CAPZB: variants seen among roughly 807,000 people sequenced by gnomAD.
CAPZB encodes capping actin protein of muscle Z-line subunit beta.
CAPZB carries 2 observed loss-of-function variants against 38.1 expected under a neutral mutation model. The observed-to-expected ratio is 0.05, with a 90% confidence interval of 0.02 to 0.17. CAPZB has a LOEUF of 0.17. Ranked by LOEUF, CAPZB falls within the 10% of genes least tolerant of loss-of-function variation. CAPZB has a pLI of 1.00. For missense variants in CAPZB, 161 were observed against 334.2 expected, an observed-to-expected ratio of 0.48 and a Z score of 4.04; for synonymous variants, 107 against 127.4, an observed-to-expected ratio of 0.84 and a Z score of 1.08.
chr1:19,432,042 CAAAAAAAAAAAA>C (rs10583269), intron 1 of CAPZB, among the ~76,000 whole-genome samples: 43 of 122,560 alleles, frequency 3.5e-4, no homozygotes, highest in Middle Eastern at 4.6e-3. Context: ...GATCCTGTCT[CAAAAAAAAAAAA>C]AAAAAAAAAA....
At chr1:19,362,163 G>A (rs1169543241) in intron 4 of CAPZB, among the ~76,000 whole-genome samples, 3 of 151,346 alleles carry the variant, frequency 2.0e-5, no homozygotes, top group Non-Finnish European at 4.4e-5. Flanking sequence ...GAGGTCTCTG[G>A]TCAAGGAGGT....
intron 1 of CAPZB, among the ~76,000 whole-genome samples, chr1:19,456,123 G>T (rs1216576843): frequency 1.3e-5 from 2 of 152,170 alleles, no homozygotes; most frequent in African/African-American, 4.8e-5. Context: ...TGTTGGCCAG[G>T]CTGGCCTTGA....
chr1:19,366,252 G>A (rs1235801025), intron 4 of CAPZB, among the ~76,000 whole-genome samples: 2 of 145,644 alleles, frequency 1.4e-5, no homozygotes, highest in Non-Finnish European at 3.0e-5. Context: ...TTCAAGACCA[G>A]CCTGGGCAAC....
rs1164257692 is a variant in CAPZB at position 19,376,698 on chromosome 1, G to A, written c.329+1842C>T. 3.9e-5 allele frequency among the ~76,000 whole-genome samples: 6 copies of A among 152,206 alleles called. No homozygotes were observed. The East Asian group carries it at 1.2e-3, about 29-fold the overall frequency. On this transcript the variant is annotated intron_variant, in intron 4 of 8. Coordinates refer to ENST00000264202, the MANE Select transcript of CAPZB (RefSeq NM_004930.5). ...CACTAGCAGCAATGACTTGTTCACT[G>A]GTCCACTGTTTGTTTTTCCACAATG...
Position 19,484,386 on chromosome 1 carries a change from C to A in CAPZB, c.3+1050G>T, listed in dbSNP as rs1280918708. 3 of 1,532,784 alleles carry A rather than the reference C, an allele frequency of 2.0e-6. No individual in the cohort carries two copies. The South Asian group carries it at 3.6e-5, about 18-fold the overall frequency. 94.9% of individuals were successfully genotyped at this position (1,532,784 alleles called of 1,614,324 possible). A position where few individuals can be genotyped will look rare whatever the true frequency, so the allele number is the denominator to read the frequency against. ...TTGTCCTGTGGGCCACCCATCCTCG[C>A]CCCTCGGCTCCCACTCAGGCCCGGG... On this transcript the variant is annotated intron_variant, in intron 1 of 8. Transcript: ENST00000264202.
At chr1:19,420,602 G>T (rs1361232523) in intron 1 of CAPZB, among the ~76,000 whole-genome samples, 1 of 151,494 alleles carries the variant, frequency 6.6e-6, no homozygotes, top group East Asian at 2.0e-4. Context: ...TTTTTTTTGG[G>T]GGGGAGGGGG....
Position 19,357,866 on chromosome 1 carries a change from A to C in CAPZB, c.330-303T>G, listed in dbSNP as rs903686608. On this transcript the variant is annotated intron_variant, in intron 4 of 8. Coordinates refer to ENST00000264202, the MANE Select transcript of CAPZB (RefSeq NM_004930.5). The surrounding 1 kb of genome is among the most constrained non-coding windows in gnomAD (Gnocchi z 4.3). ...GCGTCACACTCCTCCCAGATAAAGAATGCAGCACGACTGACATCCAGTGAC... is the reference window on the plus strand; with the variant it reads ...GCGTCACACTCCTCCCAGATAAAGACTGCAGCACGACTGACATCCAGTGAC... 6.6e-6 allele frequency among the ~76,000 whole-genome samples: 1 copy of C among 152,170 alleles called. No individual in the cohort carries two copies. Among genetic ancestry groups the C allele is most frequent in the African/African-American group, 2.4e-5 (1 of 41,428 alleles).
rs1001157330 is a variant in CAPZB at position 19,385,397 on chromosome 1, A to G, written c.215+108T>C. 12 of 1,268,900 alleles carry G rather than the reference A, an allele frequency of 9.5e-6. 1 individual carries two copies. The highest frequency in any genetic ancestry group is 1.5e-5 in the African/African-American group (1 of 67,204). 78.6% of individuals were successfully genotyped at this position (1,268,900 alleles called of 1,614,324 possible). On this transcript the variant is annotated intron_variant, in intron 3 of 8. Coordinates refer to ENST00000264202, the MANE Select transcript of CAPZB (RefSeq NM_004930.5). Reference sequence around the variant, plus strand: ...AGGGAACAAACGGAAGGAAAGCTGAATGGGCTGCCAGCTGCCCAAGTCCAA... The same window carrying G: ...AGGGAACAAACGGAAGGAAAGCTGAGTGGGCTGCCAGCTGCCCAAGTCCAA...
intron 2 of CAPZB, among the ~76,000 whole-genome samples, chr1:19,417,063 C>T (rs564392125): frequency 6.6e-6 from 1 of 152,086 alleles, no homozygotes; most frequent in African/African-American, 2.4e-5. Context: ...CCTTCATTCA[C>T]CATCAATGCT....
intron 2 of CAPZB, among the ~76,000 whole-genome samples, chr1:19,407,145 T>C (rs369316296): frequency 1.3e-5 from 2 of 152,368 alleles, no homozygotes; most frequent in East Asian, 3.9e-4. Flanking sequence ...CAGGCTTCTC[T>C]GGCCTGGCAT....
At chr1:19,422,041 C>T (rs982132411) in intron 1 of CAPZB, among the ~76,000 whole-genome samples, 6 of 152,016 alleles carry the variant, frequency 3.9e-5, no homozygotes, top group Admixed American at 2.0e-4. Flanking sequence ...TACAAAGCTA[C>T]GTATTCTCTT....
chr1:19,469,337 T>C (rs72653963), intron 1 of CAPZB, among the ~76,000 whole-genome samples: 1,915 of 152,306 alleles, frequency 0.013, 23 homozygotes, highest in Non-Finnish European at 0.019. Flanking sequence ...TATACAGCAA[T>C]TGATATTGTT....
At chr1:19,409,174 C>T (rs1002223157) in intron 2 of CAPZB, among the ~76,000 whole-genome samples, 1 of 151,992 alleles carries the variant, frequency 6.6e-6, no homozygotes, top group Non-Finnish European at 1.5e-5. Flanking sequence ...TTCTCAGAGC[C>T]TTTAATATGC....
intron 1 of CAPZB, among the ~76,000 whole-genome samples, chr1:19,453,035 C>T (rs1033599774): frequency 2.6e-5 from 4 of 151,890 alleles, no homozygotes; most frequent in Admixed American, 6.5e-5. Context: ...GAACTCCTGA[C>T]CTCAGGTGAT....
At chr1:19,441,144 A>G (rs1339783577) in intron 1 of CAPZB, among the ~76,000 whole-genome samples, 3 of 152,370 alleles carry the variant, frequency 2.0e-5, no homozygotes, top group Admixed American at 2.0e-4. Flanking sequence ...GAAAATATAC[A>G]TCATATAAAC....
intron 1 of CAPZB, among the ~76,000 whole-genome samples, chr1:19,430,481 G>A (rs1402045615): frequency 1.3e-5 from 2 of 152,154 alleles, no homozygotes; most frequent in Admixed American, 1.3e-4. Flanking sequence ...AGCTTACCTG[G>A]TGAACCTGGC....
chr1:19,483,959 A>G (rs1430869858), intron 1 of CAPZB, among the ~76,000 whole-genome samples: 1 of 152,188 alleles, frequency 6.6e-6, no homozygotes, highest in Non-Finnish European at 1.5e-5. Flanking sequence ...CAAAGTCCAC[A>G]TACAAACATG....
chr1:19,342,869 AGAGAGTGTTCAAGAT>A (rs755134380), intron 8 of CAPZB: 1 of 1,558,092 alleles, frequency 6.4e-7, no homozygotes, highest in South Asian at 1.1e-5. Flanking sequence ...ATAGATCTAC[AGAGAGTGTTCAAGAT>A]GAGTGGAGTG....
intron 6 of CAPZB, among the ~76,000 whole-genome samples, chr1:19,355,849 G>C (rs2094018068): frequency 1.3e-5 from 2 of 152,184 alleles, no homozygotes; most frequent in Non-Finnish European, 2.9e-5. Flanking sequence ...CTTGGGATGG[G>C]AATGTAAAGG....
Sources: allele counts gnomAD v4.1 joint callset (sites outside exome capture counted in the v4.1 genomes callset), GRCh38; gene constraint gnomAD v4.1.1; non-coding constraint Gnocchi (gnomAD v3.1); transcripts MANE v1.5; gene names NCBI Gene and HGNC (gene_info 2026-07-23, HGNC 2026-07-21).